ANK2: variants seen among roughly 807,000 people sequenced by gnomAD.
ANK2 encodes ankyrin 2, also known as ankyrin-2.
In ANK2, 83 loss-of-function variants were observed where a neutral mutation model predicts 360.5. The observed-to-expected ratio is 0.23, with a 90% CI of 0.19 to 0.28. ANK2 has a LOEUF of 0.28. ANK2 is among the 10% of genes least tolerant of loss of function. The pLI is 1.00. For missense variants in ANK2, 4,201 were observed against 4,795.7 expected, an observed-to-expected ratio of 0.88 and a Z score of 3.66; for synonymous variants, 1,740 against 1,759.5, an observed-to-expected ratio of 0.99 and a Z score of 0.28.
intron 1 of ANK2, among the ~76,000 whole-genome samples, chr4:113,108,147 A>C (rs192679457): frequency 1.3e-5 from 2 of 152,186 alleles, no homozygotes; most frequent in African/African-American, 4.8e-5. Context: ...TGTTTTTAAA[A>C]ATAAACAATA....
intron 2 of ANK2, among the ~76,000 whole-genome samples, chr4:113,042,044 G>A (rs901908043): frequency 6.6e-6 from 1 of 152,170 alleles, no homozygotes; most frequent in Non-Finnish European, 1.5e-5. Flanking sequence ...GTGTCTGTGA[G>A]AAAGTTTCTT....
At chr4:113,143,118 A>G (rs1409968766) in intron 1 of ANK2, among the ~76,000 whole-genome samples, 1 of 152,118 alleles carries the variant, frequency 6.6e-6, no homozygotes, top group Non-Finnish European at 1.5e-5. Flanking sequence ...ATGTAATACT[A>G]GTGTGCATAT....
chr4:112,788,125 G>A, the ANK2 span: 51 of 1,579,240 alleles, frequency 3.2e-5, no homozygotes, highest in South Asian at 4.2e-4. Context: ...TTGCCTTTTC[G>A]AGCTTGGCAA....
At chr4:112,773,072 C>T in the ANK2 span, among the ~76,000 whole-genome samples, 2 of 152,094 alleles carry the variant, frequency 1.3e-5, no homozygotes, top group Admixed American at 6.6e-5. Context: ...AATCCCAAAA[C>T]TTTGGGAGGT....
chr4:112,709,156 A>T, the ANK2 span, among the ~76,000 whole-genome samples: 1 of 152,224 alleles, frequency 6.6e-6, no homozygotes, highest in South Asian at 2.1e-4. Flanking sequence ...TTCTTCTTGT[A>T]AGAAAAGGGG....
intron 2 of ANK2, among the ~76,000 whole-genome samples, chr4:112,962,087 T>G (rs558077825): frequency 3.9e-5 from 6 of 152,262 alleles, no homozygotes; most frequent in Admixed American, 1.3e-4. Flanking sequence ...TTTGTCTTTG[T>G]TTTTCCAACT....
chr4:113,365,751 A>G (rs1159717039), intron 41 of ANK2, among the ~76,000 whole-genome samples: 1 of 143,938 alleles, frequency 6.9e-6, no homozygotes, highest in Non-Finnish European at 1.5e-5. Context: ...TCTTTTCTTT[A>G]TTTATACCCA....
intron 2 of ANK2, among the ~76,000 whole-genome samples, chr4:112,996,908 C>T (rs1045390007): frequency 6.6e-6 from 1 of 152,128 alleles, no homozygotes; most frequent in Non-Finnish European, 1.5e-5. Flanking sequence ...CCCCTACTAC[C>T]TTTCCCAGCC....
intron 2 of ANK2, among the ~76,000 whole-genome samples, chr4:113,186,839 G>C (rs1290000125): frequency 6.6e-6 from 1 of 152,170 alleles, no homozygotes; most frequent in African/African-American, 2.4e-5. Flanking sequence ...ATTGATGTGG[G>C]CATGATCAGA....
At chr4:113,264,670 C>T (rs1459188882) in intron 13 of ANK2, among the ~76,000 whole-genome samples, 2 of 149,554 alleles carry the variant, frequency 1.3e-5, no homozygotes, top group Admixed American at 6.7e-5. Flanking sequence ...TGTGGTGAGC[C>T]GAGATGTTGC....
chr4:113,235,289 C>T (rs967374636), intron 5 of ANK2, among the ~76,000 whole-genome samples: 2 of 152,106 alleles, frequency 1.3e-5, no homozygotes, highest in Non-Finnish European at 2.9e-5. Context: ...TATTTTTCAT[C>T]TTAAGATACT....
At chr4:113,168,133 G>A (rs2097816372) in intron 1 of ANK2, among the ~76,000 whole-genome samples, 1 of 152,122 alleles carries the variant, frequency 6.6e-6, no homozygotes, top group Non-Finnish European at 1.5e-5. Context: ...GTTGATAAGT[G>A]ATATAATTTA....
At chr4:113,244,172 TA>T (rs970111925) in intron 9 of ANK2, among the ~76,000 whole-genome samples, 1 of 152,214 alleles carries the variant, frequency 6.6e-6, no homozygotes, top group African/African-American at 2.4e-5. Context: ...TTCAAGGATT[TA>T]AAAAGAATAA....
At chr4:112,889,522 T>C (rs62317089) in intron 1 of ANK2, among the ~76,000 whole-genome samples, 3 of 152,092 alleles carry the variant, frequency 2.0e-5, no homozygotes, top group Non-Finnish European at 4.4e-5. Flanking sequence ...CTTTTTTTGA[T>C]GCTTTTTTAA....
chr4:112,940,349 G>T (rs779287024), intron 2 of ANK2, among the ~76,000 whole-genome samples: 24 of 152,088 alleles, frequency 1.6e-4, no homozygotes, highest in South Asian at 1.2e-3. Context: ...CTAAAACTGT[G>T]CTAGGAACTG....
intron 2 of ANK2, among the ~76,000 whole-genome samples, chr4:112,970,884 T>C (rs547217383): frequency 1.3e-5 from 2 of 152,214 alleles, no homozygotes; most frequent in Non-Finnish European, 2.9e-5. Context: ...TATGTGGTAA[T>C]GCATATGTCA....
chr4:113,299,705 CA>C (rs869269685), intron 22 of ANK2, among the ~76,000 whole-genome samples: 13,762 of 75,020 alleles, frequency 0.18, 1,089 homozygotes, highest in African/African-American at 0.35. Context: ...AACGACATCT[CA>C]AAAAAAAAAA....
chr4:112,714,665 G>C, the ANK2 span, among the ~76,000 whole-genome samples: 7 of 152,230 alleles, frequency 4.6e-5, no homozygotes, highest in East Asian at 1.4e-3. Context: ...TGAATACAGA[G>C]AGTTCCCAGA....
chr4:113,131,157 C>T (rs143850041), intron 1 of ANK2, among the ~76,000 whole-genome samples: 1 of 152,248 alleles, frequency 6.6e-6, no homozygotes, highest in East Asian at 1.9e-4. Context: ...ATTTCCTAGT[C>T]TTTGTAGAGC....
Sources: allele counts gnomAD v4.1 joint callset (sites outside exome capture counted in the v4.1 genomes callset), GRCh38; gene constraint gnomAD v4.1.1; transcripts MANE v1.5; gene names NCBI Gene and HGNC (gene_info 2026-07-23, HGNC 2026-07-21).